GRIN2A: variants seen among roughly 807,000 people sequenced by gnomAD.
GRIN2A encodes the protein glutamate receptor ionotropic, NMDA 2A.
In GRIN2A, 22 loss-of-function variants were observed where a neutral mutation model predicts 113.4. The ratio of observed to expected loss-of-function variants is 0.19; its 90% CI spans 0.14 to 0.28. The LOEUF is 0.28. Among genes scored for constraint, GRIN2A ranks in the 10% least tolerant of loss-of-function variants. GRIN2A has a pLI of 1.00. For synonymous variants in GRIN2A, 827 were observed against 738.4 expected (o/e 1.12, Z -1.94); for missense variants, 1,502 against 1,887.0 (o/e 0.80, Z 3.78).
At chr16:9,830,940 C>T (rs16966448) in intron 8 of GRIN2A, among the ~76,000 whole-genome samples, 58,578 of 151,920 alleles carry the variant, frequency 0.39, 12,544 homozygotes, top group African/African-American at 0.57. Flanking sequence ...GGGATGCACA[C>T]TGATCAGAAA....
chr16:9,933,860 C>G (rs191146075), intron 3 of GRIN2A, among the ~76,000 whole-genome samples: 10 of 152,234 alleles, frequency 6.6e-5, no homozygotes, highest in African/African-American at 1.4e-4. Flanking sequence ...ATTTTGAAAA[C>G]ATAAGGTTGA....
At chr16:9,817,384 G>A (rs115836861) in intron 10 of GRIN2A, among the ~76,000 whole-genome samples, 2,309 of 152,300 alleles carry the variant, frequency 0.015, 42 homozygotes, top group African/African-American at 0.052. Context: ...CTGGGCCCAG[G>A]AATCTGCATT....
At chr16:10,015,305 GA>G (rs1205354084) in intron 2 of GRIN2A, among the ~76,000 whole-genome samples, 6 of 89,524 alleles carry the variant, frequency 6.7e-5, no homozygotes, top group South Asian at 3.5e-4. Context: ...GAAAGGAAAA[GA>G]AAAAAAAGAA....
intron 11 of GRIN2A, among the ~76,000 whole-genome samples, chr16:9,796,257 C>T (rs542310429): frequency 1.3e-5 from 2 of 149,814 alleles, no homozygotes; most frequent in Admixed American, 1.3e-4. Flanking sequence ...ATCTTAACAT[C>T]AATCAATCAT....
Position 9,798,381 on chromosome 16 carries a change from C to T in GRIN2A, c.2252G>A (p.Gly751Glu). The change falls in exon 11 of 13, where the codon GGG becomes GAG. Residue 751 changes from glycine to glutamate, a missense_variant. Gly to Glu is a moderately conservative substitution (Grantham distance 98, BLOSUM62 -2). Around this residue, in one of 7 missense-constraint regions of GRIN2A, gnomAD observed 101 missense variants for 240.4 expected, o/e 0.42. Transcript: ENST00000330684. ...GGTGGTGGCAAAGATGTACCCACTCCCGATGGTCACCAGCTTGCAGCCTTC... is the reference window on the plus strand; with the variant it reads ...GGTGGTGGCAAAGATGTACCCACTCTCGATGGTCACCAGCTTGCAGCCTTC... ...RDEGCKLVTI[G>E]SGYIFATTGY... 6.2e-7 allele frequency: 1 copy of T among 1,613,940 alleles called. No homozygotes were observed. The highest frequency in any genetic ancestry group is 8.5e-7 in the Non-Finnish European group (1 of 1,179,834).
intron 2 of GRIN2A, among the ~76,000 whole-genome samples, chr16:10,073,989 G>A (rs551226808): frequency 1.3e-5 from 2 of 149,542 alleles, no homozygotes; most frequent in Non-Finnish European, 3.0e-5. Flanking sequence ...TCTCATAAAA[G>A]TCTAGTATCC....
At chr16:10,173,586 G>A (rs1015357859) in intron 2 of GRIN2A, among the ~76,000 whole-genome samples, 2 of 152,194 alleles carry the variant, frequency 1.3e-5, no homozygotes, top group Non-Finnish European at 2.9e-5. Flanking sequence ...AGCTGGCATC[G>A]GAGCCAATGA....
At chr16:10,036,442 TTTTTTTC>T (rs1361220456) in intron 2 of GRIN2A, among the ~76,000 whole-genome samples, 2 of 68,314 alleles carry the variant, frequency 2.9e-5, no homozygotes, top group Admixed American at 1.7e-4. Flanking sequence ...ACTTACTTTT[TTTTTTTC>T]TTTTTTTTTT....
intron 4 of GRIN2A, among the ~76,000 whole-genome samples, chr16:9,859,844 G>A (rs2043033339): frequency 6.6e-6 from 1 of 151,968 alleles, no homozygotes; most frequent in Non-Finnish European, 1.5e-5. Flanking sequence ...TCTCCATCTG[G>A]AATTCATTTT....
rs1259869021 is a variant in GRIN2A at position 10,178,229 on chromosome 16, A to G, written c.414+1769T>C. ...TTTAGAAGATTGGCCCCTCCCATAC[A>G]AAAGCCCTCTAGGCTGTGATTCATC... On this transcript the variant is annotated intron_variant, in intron 2 of 12. Transcript: ENST00000330684. Among the ~76,000 whole-genome samples, 3 of 152,296 alleles carry G rather than the reference A, an allele frequency of 2.0e-5. No individual in the cohort carries two copies. In the East Asian group the frequency reaches 5.8e-4, roughly 29 times the overall value.
At chr16:10,006,521 T>C (rs553522991) in intron 2 of GRIN2A, among the ~76,000 whole-genome samples, 2 of 152,300 alleles carry the variant, frequency 1.3e-5, no homozygotes, top group South Asian at 4.1e-4. Context: ...TGGGTGTATA[T>C]ATTTATGGAG....
intron 3 of GRIN2A, among the ~76,000 whole-genome samples, chr16:9,914,126 T>C (rs767909550): frequency 2.0e-5 from 3 of 151,266 alleles, no homozygotes; most frequent in Non-Finnish European, 2.9e-5. Flanking sequence ...AGTTCCAGTA[T>C]TAGAATAAAA....
chr16:9,850,575 G>A (rs944590212), intron 4 of GRIN2A, among the ~76,000 whole-genome samples: 3 of 152,202 alleles, frequency 2.0e-5, no homozygotes, highest in African/African-American at 7.2e-5. Flanking sequence ...GGGAGAGGAA[G>A]ATGAAGCTAG....
At chr16:10,162,379 G>A (rs1377455916) in intron 2 of GRIN2A, among the ~76,000 whole-genome samples, 1 of 152,158 alleles carries the variant, frequency 6.6e-6, no homozygotes, top group Non-Finnish European at 1.5e-5. Context: ...CAACCTCTCT[G>A]TATTCATTTT....
intron 2 of GRIN2A, among the ~76,000 whole-genome samples, chr16:10,109,041 T>C (rs1379115756): frequency 7.8e-6 from 1 of 128,524 alleles, no homozygotes; most frequent in African/African-American, 3.5e-5. Flanking sequence ...AAAAACAAAA[T>C]TGATAAACCT....
chr16:10,119,545 C>T (rs2048793265), intron 2 of GRIN2A, among the ~76,000 whole-genome samples: 1 of 152,100 alleles, frequency 6.6e-6, no homozygotes, highest in South Asian at 2.1e-4. Flanking sequence ...TTTTGTCTAG[C>T]CCCGTGGTTC....
intron 3 of GRIN2A, among the ~76,000 whole-genome samples, chr16:9,900,445 C>G (rs1450852916): frequency 6.6e-6 from 1 of 152,184 alleles, no homozygotes; most frequent in Non-Finnish European, 1.5e-5. Flanking sequence ...ACCCTATATG[C>G]TGTCTTTTGT....
intron 2 of GRIN2A, among the ~76,000 whole-genome samples, chr16:9,955,939 G>A (rs912623834): frequency 2.6e-5 from 4 of 152,116 alleles, no homozygotes; most frequent in African/African-American, 4.8e-5. Flanking sequence ...TGGGCATCAC[G>A]CTGACAAAGT....
chr16:10,177,200 C>G (rs1160740884), intron 2 of GRIN2A, among the ~76,000 whole-genome samples: 1 of 152,230 alleles, frequency 6.6e-6, no homozygotes, highest in East Asian at 1.9e-4. Context: ...ATATATGTTA[C>G]TAATGGAAGG....
Sources: gnomAD v4.1 joint callset for allele counts (sites outside exome capture counted in the v4.1 genomes callset) on GRCh38, gnomAD v4.1.1 for gene constraint, gnomAD v4.1.1 regional missense constraint, MANE v1.5 for transcripts, NCBI Gene and HGNC (gene_info 2026-07-23, HGNC 2026-07-21) for gene names.